PCDHGA5: variants seen among roughly 807,000 people sequenced by gnomAD.
PCDHGA5 encodes the protein protocadherin gamma-A5.
Under a neutral mutation model 56.7 loss-of-function variants are expected in PCDHGA5, and 36 were observed. The observed-to-expected ratio is 0.64, with a 90% CI of 0.49 to 0.84. The LOEUF (loss-of-function observed/expected upper bound fraction) is 0.84, where lower values mean the gene tolerates loss of function less well. Among genes scored for constraint, PCDHGA5 ranks in the 40% least tolerant of loss-of-function variants. PCDHGA5 has a pLI of 0.00. For synonymous variants in PCDHGA5, 563 were observed against 520.2 expected, an observed-to-expected ratio of 1.08 and a Z score of -1.12; for missense variants, 1,305 against 1,201.5, an observed-to-expected ratio of 1.09 and a Z score of -1.27.
In PCDHGA5 at chr5:141,477,531, C is replaced by T. The variant is rs1316982512; in HGVS notation, c.2422-17276C>T. 5 of 1,614,162 alleles carry T rather than the reference C, an allele frequency of 3.1e-6. No homozygotes were observed. Among genetic ancestry groups the T allele is most frequent in the Middle Eastern group, 1.6e-4 (1 of 6,062 alleles). On this transcript the variant is annotated intron_variant, in intron 1 of 3. Transcript: ENST00000518069. This position sits in a 1 kb window ranked among gnomAD's most constrained non-coding sequence, Gnocchi z 4.9. ...GTTTACATTGAAGAAAACAACCTCC[C>T]CGGGGCTCCAATACTAAACCTAAGT... is the stretch of plus-strand genomic sequence containing the variant.
At chr5:141,469,994 C>T (rs948868787) in intron 1 of PCDHGA5, among the ~76,000 whole-genome samples, 2 of 151,830 alleles carry the variant, frequency 1.3e-5, no homozygotes, top group Non-Finnish European at 1.5e-5. Flanking sequence ...AGCTGGTCGT[C>T]GTGGCACGCC....
intron 1 of PCDHGA5, among the ~76,000 whole-genome samples, chr5:141,480,704 G>A (rs545986902): frequency 8.5e-5 from 13 of 152,206 alleles, no homozygotes; most frequent in East Asian, 5.8e-4. Flanking sequence ...GCCACACCCC[G>A]ACAAATGAAA....
chr5:141,365,757 C>A lies in PCDHGA5; in HGVS notation c.1427C>A (p.Ala476Asp), dbSNP rs1331087585. The A allele has an allele frequency of 1.9e-6, 3 of 1,613,830 alleles. No individual in the cohort carries two copies. The East Asian group carries it at 6.7e-5, about 36-fold the overall frequency. ...PRGVSIFSVTAHDPDSGDNAR... is the reference protein window; with the variant it reads ...PRGVSIFSVTDHDPDSGDNAR... ...GGTGTCTCTATCTTCTCTGTGACAG[C>A]CCATGACCCCGACAGCGGCGACAAC... The change falls in exon 1 of 4, where the codon GCC becomes GAC. Residue 476 changes from alanine to aspartate, a missense_variant. Ala to Asp is a moderately radical substitution (Grantham distance 126). Transcript: ENST00000518069.
chr5:141,427,998 C>A, intron 1 of PCDHGA5: 1 of 1,600,956 alleles, frequency 6.2e-7, no homozygotes, highest in Non-Finnish European at 8.6e-7. Context: ...TGGCTCCGCA[C>A]TCTTCGATAT....
chr5:141,492,395 C>G (rs2099740183), intron 1 of PCDHGA5, among the ~76,000 whole-genome samples: 1 of 152,242 alleles, frequency 6.6e-6, no homozygotes, highest in African/African-American at 2.4e-5. Flanking sequence ...GGTCCACTCG[C>G]AGCTCCCCTC....
Position 141,393,858 on chromosome 5 carries a change from A to G in PCDHGA5, c.2421+27107A>G, listed in dbSNP as rs777304987. The G allele has an allele frequency of 1.2e-5, 20 of 1,613,912 alleles. No homozygotes were observed. Among genetic ancestry groups the G allele is most frequent in the Admixed American group, 8.3e-5 (5 of 60,008 alleles). On this transcript the variant is annotated intron_variant, in intron 1 of 3. Transcript: ENST00000518069. ...AAATGACAATAGACCAGAAGTGATC[A>G]TTACGTCTTTGTTTAGCCCAGTGTT...
chr5:141,465,606 T>C (rs192541390), intron 1 of PCDHGA5, among the ~76,000 whole-genome samples: 22 of 152,338 alleles, frequency 1.4e-4, no homozygotes, highest in African/African-American at 5.3e-4. Context: ...TATCACTCTT[T>C]GGCCCTCCAG....
chr5:141,410,019 A>C, intron 1 of PCDHGA5: 2 of 1,613,204 alleles, frequency 1.2e-6, no homozygotes, highest in African/African-American at 2.7e-5. Context: ...TGGCTGTCCT[A>C]CCACGTGCTG....
chr5:141,490,346 TG>T lies in PCDHGA5; in HGVS notation c.2422-4457del, dbSNP rs1458588422. ...GAGAGCACACCAGTGGGCACAGTAG[TG>T]GGGTTGTTTAATGTGCGAGACCGGG... On this transcript the variant is annotated intron_variant, in intron 1 of 3. Coordinates refer to ENST00000518069, the MANE Select transcript of PCDHGA5 (RefSeq NM_018918.3). The surrounding 1 kb of genome is among the most constrained non-coding windows in gnomAD (Gnocchi z 5.4). 1.2e-6 allele frequency: 2 copies of T among 1,614,164 alleles called. No individual in the cohort carries two copies. The highest frequency in any genetic ancestry group is 3.3e-5 in the Admixed American group (2 of 60,032).
In PCDHGA5 at chr5:141,491,786, C is replaced by T; in HGVS notation, c.2422-3021C>T. The stretch of plus-strand genomic sequence containing the variant: ...CCTCATAAGGGATTGAACTTGCATC[C>T]ACTCCTCTCCGGCCGGCTTGGTCGC... On this transcript the variant is annotated intron_variant, in intron 1 of 3. Coordinates refer to ENST00000518069, the MANE Select transcript of PCDHGA5 (RefSeq NM_018918.3). This position sits in a 1 kb window ranked among gnomAD's most constrained non-coding sequence, Gnocchi z 6.9. The T allele has an allele frequency of 1.3e-6, 2 of 1,529,640 alleles. No individual in the cohort carries two copies. The highest frequency in any genetic ancestry group is 2.5e-5 in the South Asian group (2 of 80,832). The allele number at this position is 1,529,640 out of a possible 1,614,324, so 94.8% of individuals were successfully genotyped here.
In PCDHGA5 at chr5:141,414,656, C is replaced by A. The variant is rs1409573217; in HGVS notation, c.2421+47905C>A. The A allele has an allele frequency of 1.2e-5, 20 of 1,614,008 alleles. No individual in the cohort carries two copies. Among genetic ancestry groups the A allele is most frequent in the Non-Finnish European group, 1.7e-5 (20 of 1,179,888 alleles). On this transcript the variant is annotated intron_variant, in intron 1 of 3. Transcript: ENST00000518069. ...AAAGAGAATGCCCAGATTATTTACTCCCTGGCTGAAGACACCATCCAGGGG... is the reference window on the plus strand; with the variant it reads ...AAAGAGAATGCCCAGATTATTTACTACCTGGCTGAAGACACCATCCAGGGG...
At chr5:141,406,702 A>G (rs1430662433) in intron 1 of PCDHGA5, among the ~76,000 whole-genome samples, 1 of 152,242 alleles carries the variant, frequency 6.6e-6, no homozygotes. Context: ...TCTATAGTAT[A>G]TGCTTGCTCA....
Position 141,384,065 on chromosome 5 carries a change from A to G in PCDHGA5, c.2421+17314A>G, listed in dbSNP as rs1209284047. ...GAGGTGACCTGCACCATTCCAGAAAACCTACCTTTTAAATTAGAAAAATCA... is the reference window on the plus strand; with the variant it reads ...GAGGTGACCTGCACCATTCCAGAAAGCCTACCTTTTAAATTAGAAAAATCA... On this transcript the variant is annotated intron_variant, in intron 1 of 3. Transcript: ENST00000518069. 2 of 1,607,382 alleles carry G rather than the reference A, an allele frequency of 1.2e-6. No individual in the cohort carries two copies. The highest frequency in any genetic ancestry group is 1.7e-5 in the Admixed American group (1 of 58,998).
In PCDHGA5 at chr5:141,418,980, A is replaced by G; in HGVS notation, c.2421+52229A>G. 1 of 1,614,004 alleles carries G rather than the reference A, an allele frequency of 6.2e-7. No individual in the cohort carries two copies. ...GTTGCCCTCTTCAAAACACGGGACC[A>G]AGACTCAGGGGAAAATGGGGAAGTC... On this transcript the variant is annotated intron_variant, in intron 1 of 3. Transcript: ENST00000518069.
intron 1 of PCDHGA5, chr5:141,384,644 C>G (rs757384812): frequency 6.2e-7 from 1 of 1,614,234 alleles, no homozygotes; most frequent in Non-Finnish European, 8.5e-7. Flanking sequence ...CCCCGCTCCG[C>G]AGAGCCCGGC....
intron 1 of PCDHGA5, chr5:141,423,072 G>A: frequency 1.2e-6 from 2 of 1,614,120 alleles, no homozygotes; most frequent in Non-Finnish European, 1.7e-6. Flanking sequence ...CCAGCGAGCC[G>A]GGACTCTTCG....
At position 141,364,554 on chromosome 5, in the gene PCDHGA5, T is replaced by G; in HGVS notation, c.224T>G (p.Phe75Cys). The change falls in exon 1 of 4, where the codon TTT becomes TGT. Residue 75 changes from phenylalanine to cysteine, a missense_variant. Coordinates refer to ENST00000518069, the MANE Select transcript of PCDHGA5 (RefSeq NM_018918.3). ...GTCTCCAGAGGTAGGACGCAGCTTT[T>G]TGCCCTGAACCCGCGAAGCGGCAGC... ...RIVSRGRTQLFALNPRSGSLV... is the reference protein window; with the variant it reads ...RIVSRGRTQLCALNPRSGSLV... 6.2e-7 allele frequency: 1 copy of G among 1,614,122 alleles called. No homozygotes were observed.
At chr5:141,473,907 C>A (rs552055360) in intron 1 of PCDHGA5, among the ~76,000 whole-genome samples, 1 of 152,102 alleles carries the variant, frequency 6.6e-6, no homozygotes. Flanking sequence ...ATGAAGAGGT[C>A]TTAAGAAAAC....
intron 1 of PCDHGA5, among the ~76,000 whole-genome samples, chr5:141,473,246 A>G (rs1045740920): frequency 7.2e-5 from 11 of 152,224 alleles, no homozygotes; most frequent in Admixed American, 4.6e-4. Context: ...AAGTGAATAC[A>G]TATATAGTCC....
Sources: gnomAD v4.1 joint callset for allele counts (sites outside exome capture counted in the v4.1 genomes callset) on GRCh38, gnomAD v4.1.1 for gene constraint, Gnocchi (gnomAD v3.1) non-coding constraint, MANE v1.5 for transcripts, NCBI Gene and HGNC (gene_info 2026-07-23, HGNC 2026-07-21) for gene names.